Variants in RGS17 observed in about 807,000 individuals in gnomAD.
The protein encoded by RGS17 is regulator of G-protein signaling 17.
Under a neutral mutation model 25.5 loss-of-function variants are expected in RGS17, and 12 were observed. That is an observed-to-expected ratio of 0.47 (90% CI 0.30 to 0.76). The LOEUF (loss-of-function observed/expected upper bound fraction) is 0.76, where lower values mean the gene tolerates loss of function less well. RGS17 is among the 30% of genes least tolerant of loss of function. RGS17 has a pLI of 0.07. For synonymous variants in RGS17, 71 were observed against 76.9 expected (o/e 0.92, Z 0.40); for missense variants, 196 against 242.2 (o/e 0.81, Z 1.27).
chr6:153,120,492 C>A (rs1313854207), intron 1 of RGS17, among the ~76,000 whole-genome samples: 2 of 152,182 alleles, frequency 1.3e-5, no homozygotes, highest in Non-Finnish European at 2.9e-5. Flanking sequence ...ATGGACCCTG[C>A]CTTTTGCTGT....
At chr6:153,013,460 C>T (rs1035115952) in intron 4 of RGS17, among the ~76,000 whole-genome samples, 3 of 151,984 alleles carry the variant, frequency 2.0e-5, no homozygotes, top group Admixed American at 1.3e-4. Flanking sequence ...GTTAATAACC[C>T]GCCAGTGGCC....
At chr6:153,044,585 A>T (rs1776364740) in intron 1 of RGS17, among the ~76,000 whole-genome samples, 1 of 152,190 alleles carries the variant, frequency 6.6e-6, no homozygotes, top group Admixed American at 6.5e-5. Context: ...CATCCTCCAG[A>T]GGCCTAACCT....
intron 1 of RGS17, among the ~76,000 whole-genome samples, chr6:153,106,789 C>T (rs746867719): frequency 9.2e-5 from 14 of 151,994 alleles, no homozygotes; most frequent in Non-Finnish European, 1.8e-4. Context: ...AATACAGGCA[C>T]ACCCAGCTAA....
At chr6:153,107,090 T>C (rs1262944454) in intron 1 of RGS17, among the ~76,000 whole-genome samples, 1 of 150,776 alleles carries the variant, frequency 6.6e-6, no homozygotes, top group Non-Finnish European at 1.5e-5. Flanking sequence ...CCCAGCACTT[T>C]GGGAGGCCGA....
At chr6:153,118,589 G>A (rs979390021) in intron 1 of RGS17, among the ~76,000 whole-genome samples, 1 of 151,868 alleles carries the variant, frequency 6.6e-6, no homozygotes, top group African/African-American at 2.4e-5. Context: ...ATCTTACCCA[G>A]GTTTTGTGGT....
At chr6:153,129,323 A>T (rs1432047879) in intron 1 of RGS17, among the ~76,000 whole-genome samples, 1 of 152,232 alleles carries the variant, frequency 6.6e-6, no homozygotes, top group East Asian at 1.9e-4. Context: ...AGGAGGTCAA[A>T]CTTCTCATTC....
At chr6:153,054,536 A>G (rs1397274980) in intron 1 of RGS17, among the ~76,000 whole-genome samples, 1 of 151,880 alleles carries the variant, frequency 6.6e-6, no homozygotes, top group African/African-American at 2.4e-5. Flanking sequence ...CTGTGACCCC[A>G]GCTACTTGGG....
Position 153,024,313 on chromosome 6 carries a change from T to C in RGS17, c.393A>G (p.Glu131=), listed in dbSNP as rs1779276587. Residue 131 remains glutamate (E), a synonymous_variant, in exon 4 of 5, where the codon GAA becomes GAG. Transcript: ENST00000206262. ...KKEQNKKVIE[E]KARMIYEDYI... is the part of the protein sequence containing the mutation. ...AATCTTCATATATCATCCTAGCCTT[T>C]TCTTCAATTACTTTTTTGTTCTGCT... 2 of 1,613,844 alleles carry C rather than the reference T, an allele frequency of 1.2e-6. No homozygotes were observed. Among genetic ancestry groups the C allele is most frequent in the Admixed American group, 1.7e-5 (1 of 59,986 alleles).
chr6:153,081,798 G>T (rs1206451879), intron 1 of RGS17, among the ~76,000 whole-genome samples: 1 of 152,128 alleles, frequency 6.6e-6, no homozygotes, highest in Admixed American at 6.5e-5. Flanking sequence ...GAAAAGGAAA[G>T]AAAGTATTTC....
rs943045620 is a variant in RGS17 at position 153,005,713 on chromosome 6, A to C, written c.*5861T>G. 2.0e-5 allele frequency: 3 copies of C among 152,222 alleles called. No individual in the cohort carries two copies. Among genetic ancestry groups the C allele is most frequent in the African/African-American group, 7.2e-5 (3 of 41,436 alleles). The allele number at this position is 152,222 out of a possible 1,614,324, so 9.4% of individuals were successfully genotyped here. On this transcript the variant is annotated 3_prime_UTR_variant, in exon 5 of 5. Coordinates refer to ENST00000206262, the MANE Select transcript of RGS17 (RefSeq NM_012419.5). ...ATAGAAGGACATTCTACAAAATACC[A>C]GTTTATTTCTCAAAACTGTCATCAA... is the stretch of plus-strand genomic sequence containing the variant.
chr6:153,127,286 C>A (rs575343353), intron 1 of RGS17, among the ~76,000 whole-genome samples: 1 of 152,124 alleles, frequency 6.6e-6, no homozygotes, highest in Non-Finnish European at 1.5e-5. Context: ...GGTTGGGGAC[C>A]CCTGTTCTAG....
intron 1 of RGS17, among the ~76,000 whole-genome samples, chr6:153,079,083 T>C (rs781713786): frequency 6.0e-5 from 2 of 33,384 alleles, no homozygotes; most frequent in Non-Finnish European, 1.6e-4. Context: ...AAGTGATAAA[T>C]TTTTTTTTTT....
intron 1 of RGS17, among the ~76,000 whole-genome samples, chr6:153,078,934 G>GA (rs146854737): frequency 2.7e-5 from 4 of 150,180 alleles, no homozygotes; most frequent in Non-Finnish European, 4.4e-5. Context: ...TAGTAGTTAA[G>GA]AAAAAAAAAA....
At chr6:153,080,703 C>A (rs530052457) in intron 1 of RGS17, among the ~76,000 whole-genome samples, 9 of 152,054 alleles carry the variant, frequency 5.9e-5, no homozygotes, top group African/African-American at 2.2e-4. Flanking sequence ...TGAGTTCTTT[C>A]TTCCTTACTA....
chr6:153,020,111 A>ATATATATAT (rs1554235102), intron 4 of RGS17, among the ~76,000 whole-genome samples: 15 of 58,454 alleles, frequency 2.6e-4, no homozygotes, highest in South Asian at 8.7e-4. Flanking sequence ...AAAAAAAAAA[A>ATATATATAT]ATATATATAT....
intron 1 of RGS17, among the ~76,000 whole-genome samples, chr6:153,107,992 A>G (rs1777409832): frequency 6.6e-6 from 1 of 152,338 alleles, no homozygotes; most frequent in South Asian, 2.1e-4. Context: ...GATTGCTCCA[A>G]ATGAGTGCTT....
intron 1 of RGS17, among the ~76,000 whole-genome samples, chr6:153,101,137 A>T (rs1247925488): frequency 6.6e-6 from 1 of 152,238 alleles, no homozygotes; most frequent in African/African-American, 2.4e-5. Flanking sequence ...CCATGTTCCA[A>T]GCAACGGAAT....
At chr6:153,100,263 A>T (rs973275954) in intron 1 of RGS17, among the ~76,000 whole-genome samples, 1 of 152,182 alleles carries the variant, frequency 6.6e-6, no homozygotes. Context: ...TACATCATAT[A>T]TTTTTTGTAA....
In RGS17 at chr6:153,131,278, G is replaced by GGGAGGGGGA. The variant is rs1013075172; in HGVS notation, c.-181_-180insTCCCCCTCC. On this transcript the variant is annotated 5_prime_UTR_variant, in exon 1 of 5. Transcript: ENST00000206262. ...GAGAGCGGCGAGGATGCAGAGGAGG[G>GGGAGGGGGA]GGAGGGGGAGGAGGGAGCGGTGGGC... 1.3e-5 allele frequency: 2 copies of GGGAGGGGGA among 150,414 alleles called. No individual in the cohort carries two copies. The highest frequency in any genetic ancestry group is 2.4e-5 in the African/African-American group (1 of 41,238). 9.3% of individuals were successfully genotyped at this position (150,414 alleles called of 1,614,324 possible). A position where few individuals can be genotyped will look rare whatever the true frequency, so the allele number is the denominator to read the frequency against.
Sources: allele counts gnomAD v4.1 joint callset (sites outside exome capture counted in the v4.1 genomes callset), GRCh38; gene constraint gnomAD v4.1.1; transcripts MANE v1.5; gene names NCBI Gene and HGNC (gene_info 2026-07-23, HGNC 2026-07-21).